PCDH15: variants seen among roughly 807,000 people sequenced by gnomAD.
PCDH15 encodes protocadherin-15.
Under a neutral mutation model 178.5 loss-of-function variants are expected in PCDH15, and 129 were observed. That is an observed-to-expected ratio of 0.72 (90% CI 0.63 to 0.84). PCDH15 has a LOEUF of 0.84. PCDH15 is among the 40% of genes least tolerant of loss of function. The pLI is 0.00. For synonymous variants in PCDH15, 800 were observed against 732.0 expected, an observed-to-expected ratio of 1.09 and a Z score of -1.50; for missense variants, 2,230 against 2,099.9, an observed-to-expected ratio of 1.06 and a Z score of -1.21.
intron 15 of PCDH15, among the ~76,000 whole-genome samples, chr10:54,094,046 G>A (rs1056318679): frequency 6.6e-6 from 1 of 152,084 alleles, no homozygotes; most frequent in African/African-American, 2.4e-5. Context: ...GAGTTTAACG[G>A]GGGAGATTCT....
chr10:53,903,392 AT>A, intron 25 of PCDH15, 22 bp from the exon 26 acceptor site: 1 of 1,610,946 alleles, frequency 6.2e-7, no homozygotes. Flanking sequence ...GAAACGATGC[AT>A]TTTTTATTGG....
intron 2 of PCDH15, among the ~76,000 whole-genome samples, chr10:55,353,565 A>G (rs1844998765): frequency 6.6e-6 from 1 of 152,142 alleles, no homozygotes. Context: ...AGGCAAGTGT[A>G]TACAGTATCT....
In PCDH15 at chr10:53,840,349, G is replaced by A; in HGVS notation, c.3954C>T (p.Asn1318=). Residue 1318 remains asparagine (N), a synonymous_variant, in exon 29 of 38, where the codon AAC becomes AAT. Coordinates refer to ENST00000644397, the MANE Select transcript of PCDH15 (RefSeq NM_001384140.1). ...LTVYAIDPQT[N]RAIDRNELFK... ...AAAGCTCATTTCTATCGATGGCTCT[G>A]TTGGTTTGGGGGTCAATTGCATAGA... 6.2e-7 allele frequency: 1 copy of A among 1,614,162 alleles called. No homozygotes were observed. The highest frequency in any genetic ancestry group is 2.2e-5 in the East Asian group (1 of 44,882).
At chr10:54,593,443 T>G (rs2092011216) in intron 2 of PCDH15, among the ~76,000 whole-genome samples, 1 of 152,134 alleles carries the variant, frequency 6.6e-6, no homozygotes, top group Non-Finnish European at 1.5e-5. Flanking sequence ...TTTTCCCCAG[T>G]GTGTATTCTT....
chr10:54,901,547 T>C (rs1233834497), intron 2 of PCDH15, among the ~76,000 whole-genome samples: 1 of 152,184 alleles, frequency 6.6e-6, no homozygotes, highest in Non-Finnish European at 1.5e-5. Flanking sequence ...CATACACACA[T>C]ATATTTATTT....
chr10:54,476,924 C>T (rs1327279088), intron 3 of PCDH15, among the ~76,000 whole-genome samples: 1 of 152,066 alleles, frequency 6.6e-6, no homozygotes, highest in Non-Finnish European at 1.5e-5. Context: ...TTTCCAGTAT[C>T]AAATTTTCAT....
At chr10:54,107,920 A>C (rs542749418) in intron 15 of PCDH15, among the ~76,000 whole-genome samples, 1 of 152,358 alleles carries the variant, frequency 6.6e-6, no homozygotes, top group South Asian at 2.1e-4. Context: ...CAGAATGTTT[A>C]GGACTGGGTC....
intron 2 of PCDH15, among the ~76,000 whole-genome samples, chr10:55,151,018 A>T (rs1178297621): frequency 2.0e-5 from 3 of 152,150 alleles, no homozygotes; most frequent in Non-Finnish European, 4.4e-5. Flanking sequence ...CACAGTTAAT[A>T]GTAGGATAGT....
At chr10:55,158,277 T>C (rs1468241533) in intron 2 of PCDH15, among the ~76,000 whole-genome samples, 1 of 152,026 alleles carries the variant, frequency 6.6e-6, no homozygotes, top group Non-Finnish European at 1.5e-5. Context: ...GTGCTGGGTT[T>C]GGATTTCTGA....
chr10:54,720,528 T>A (rs72794546), intron 1 of PCDH15, among the ~76,000 whole-genome samples: 17,655 of 144,380 alleles, frequency 0.12, 1,177 homozygotes, highest in African/African-American at 0.17. Context: ...CAAAAAAAAA[T>A]ACCAGCTAAC....
chr10:55,157,815 G>T (rs548449852), intron 2 of PCDH15, among the ~76,000 whole-genome samples: 8 of 149,494 alleles, frequency 5.4e-5, no homozygotes, highest in African/African-American at 9.8e-5. Context: ...TGGGGTGGGG[G>T]AAGGGGGGAG....
intron 3 of PCDH15, among the ~76,000 whole-genome samples, chr10:54,447,647 G>A (rs573066650): frequency 6.2e-4 from 94 of 151,720 alleles, no homozygotes; most frequent in South Asian, 3.1e-3. Flanking sequence ...TGTTATTTGA[G>A]TAAATTGAAA....
rs575878047 is a variant in PCDH15 at position 55,536,171 on chromosome 10, T to C, written c.-156+91454A>G. On this transcript the variant is annotated intron_variant, in intron 2 of 5. Coordinates refer to the PCDH15 transcript ENST00000613346. ...ACATACTTATTTCATATTCAAGAAA[T>C]AAATTACAAGATTTAAAACATCAAG... Among the ~76,000 whole-genome samples the C allele has an allele frequency of 4.6e-5, 7 of 152,228 alleles. No individual in the cohort carries two copies. The South Asian group carries it at 1.4e-3, about 32-fold the overall frequency.
chr10:53,822,419 A>C, intron 32 of PCDH15: 1 of 1,582,762 alleles, frequency 6.3e-7, no homozygotes. Flanking sequence ...GAGAAATGTC[A>C]GGAGGAGGAG....
At chr10:54,075,925 G>A (rs1465233191) in intron 17 of PCDH15, among the ~76,000 whole-genome samples, 4 of 151,792 alleles carry the variant, frequency 2.6e-5, no homozygotes, top group Non-Finnish European at 5.9e-5. Flanking sequence ...TGGCTATCTG[G>A]GGTCCCTTGA....
intron 2 of PCDH15, among the ~76,000 whole-genome samples, chr10:55,124,206 C>T (rs12355504): frequency 0.073 from 11,095 of 152,040 alleles, 589 homozygotes; most frequent in East Asian, 0.26. Flanking sequence ...TAAATAGATG[C>T]TTTATATTCT....
chr10:54,307,677 T>C (rs7921798), intron 8 of PCDH15, among the ~76,000 whole-genome samples: 29,009 of 151,924 alleles, frequency 0.19, 2,856 homozygotes, highest in Admixed American at 0.23. Flanking sequence ...ATGCCAACTC[T>C]GTTTATTTAA....
intron 26 of PCDH15, among the ~76,000 whole-genome samples, chr10:53,900,004 C>T (rs937407373): frequency 3.3e-5 from 5 of 151,956 alleles, no homozygotes; most frequent in African/African-American, 9.7e-5. Flanking sequence ...GTCTTCCTCA[C>T]ATATGTTTCA....
At chr10:53,845,491 G>A (rs890320200) in intron 28 of PCDH15, among the ~76,000 whole-genome samples, 7 of 151,802 alleles carry the variant, frequency 4.6e-5, no homozygotes, top group Non-Finnish European at 7.4e-5. Flanking sequence ...TTTATCAACA[G>A]ATGAGTGGAT....
Sources: gnomAD v4.1 joint callset for allele counts (sites outside exome capture counted in the v4.1 genomes callset) on GRCh38, gnomAD v4.1.1 for gene constraint, MANE v1.5 for transcripts, NCBI Gene and HGNC (gene_info 2026-07-23, HGNC 2026-07-21) for gene names.